Variants in AP2B1 observed in about 807,000 individuals in gnomAD.
The protein encoded by AP2B1 is adaptor related protein complex 2 subunit beta 1.
A neutral mutation model predicts 102.0 loss-of-function variants in AP2B1; 23 were observed. The observed-to-expected ratio is 0.23, with a 90% CI of 0.16 to 0.32. AP2B1 has a LOEUF of 0.32. AP2B1 is among the 10% of genes least tolerant of loss of function. The pLI, the probability that AP2B1 is intolerant of heterozygous loss-of-function variation, is 1.00. For missense variants in AP2B1, 541 were observed against 1,157.4 expected, an observed-to-expected ratio of 0.47 and a Z score of 7.73; for synonymous variants, 381 against 421.2, an observed-to-expected ratio of 0.90 and a Z score of 1.17.
chr17:35,602,449 A>G (rs879452649), intron 3 of AP2B1, among the ~76,000 whole-genome samples: 7 of 152,244 alleles, frequency 4.6e-5, no homozygotes, highest in Non-Finnish European at 8.8e-5. Flanking sequence ...TCCTGCAAGT[A>G]ACCTCAAGTG....
At chr17:35,631,070 CAAAT>C (rs1281809707) in intron 9 of AP2B1, among the ~76,000 whole-genome samples, 3 of 152,096 alleles carry the variant, frequency 2.0e-5, no homozygotes, top group African/African-American at 7.2e-5. Context: ...AGCTGTTGAG[CAAAT>C]AAATAGCACT....
chr17:35,657,875 A>G (rs2075268550), intron 14 of AP2B1, 84 bp downstream of exon 14: 2 of 1,286,158 alleles, frequency 1.6e-6, no homozygotes, highest in South Asian at 3.0e-5. Flanking sequence ...GCTTTTTAGA[A>G]CTAGACCTTT....
intron 2 of AP2B1, among the ~76,000 whole-genome samples, chr17:35,595,427 G>T (rs1323847538): frequency 6.6e-6 from 1 of 151,956 alleles, no homozygotes; most frequent in Non-Finnish European, 1.5e-5. Context: ...CACACCTGTA[G>T]TCCCAGCTAT....
intron 18 of AP2B1, among the ~76,000 whole-genome samples, chr17:35,689,244 A>G (rs765317199): frequency 1.3e-5 from 2 of 151,998 alleles, no homozygotes; most frequent in Non-Finnish European, 2.9e-5. Context: ...CAGTGGTGCA[A>G]TCTCAGCTCA....
intron 5 of AP2B1, among the ~76,000 whole-genome samples, chr17:35,610,368 A>AC (rs2073821938): frequency 6.6e-6 from 1 of 151,804 alleles, no homozygotes; most frequent in African/African-American, 2.4e-5. Flanking sequence ...GGCTGGTCTC[A>AC]AACTCTTGAC....
chr17:35,620,725 AAGGATCACTTGAGTCC>A (rs2074151308), intron 5 of AP2B1, among the ~76,000 whole-genome samples: 1 of 152,096 alleles, frequency 6.6e-6, no homozygotes, highest in Non-Finnish European at 1.5e-5. Context: ...GCTGAGGTGG[AAGGATCACTTGAGTCC>A]AGGAGTTTGA....
chr17:35,671,059 G>A, intron 15 of AP2B1, among the ~76,000 whole-genome samples, 161 bp downstream of exon 15: 1 of 152,094 alleles, frequency 6.6e-6, no homozygotes. Flanking sequence ...GGGTTACTTG[G>A]AATTGTTGGG....
At chr17:35,697,405 G>T (rs1260523563) in intron 18 of AP2B1, among the ~76,000 whole-genome samples, 1 of 152,166 alleles carries the variant, frequency 6.6e-6, no homozygotes, top group Non-Finnish European at 1.5e-5. Context: ...GCCACCATGA[G>T]ACTATTAAAT....
intron 18 of AP2B1, among the ~76,000 whole-genome samples, chr17:35,694,181 T>C (rs993018951): frequency 6.6e-6 from 1 of 152,202 alleles, no homozygotes; most frequent in Non-Finnish European, 1.5e-5. Flanking sequence ...TTAATCACTT[T>C]AACTGATAGT....
intron 18 of AP2B1, among the ~76,000 whole-genome samples, chr17:35,699,254 C>T (rs2076196432): frequency 6.6e-6 from 1 of 152,140 alleles, no homozygotes. Flanking sequence ...GGGCTCTGTT[C>T]AAAGCTTTCA....
In AP2B1 at chr17:35,680,695, T is replaced by TGG. The variant is rs55953302; in HGVS notation, c.2325-2000_2325-1999insGG. 2.0e-4 allele frequency among the ~76,000 whole-genome samples: 20 copies of TGG among 99,152 alleles called. No homozygotes were observed. In the East Asian group the frequency reaches 2.1e-3, roughly 10 times the overall value. The allele number at this position is 99,152 out of a possible 152,430, so 65.0% of individuals were successfully genotyped here. On this transcript the variant is annotated intron_variant, in intron 17 of 21. Transcript: ENST00000610402. ...CCAGTCTATGGTTTTGGTTTTTTTT[T>TGG]TTTTGTTTTTTTTTTTTTTTTCAGA... is the stretch of plus-strand genomic sequence containing the variant.
chr17:35,603,319 G>A (rs1172867974), intron 3 of AP2B1, among the ~76,000 whole-genome samples: 2 of 152,116 alleles, frequency 1.3e-5, no homozygotes, highest in East Asian at 3.8e-4. Flanking sequence ...AAGCATTGTG[G>A]GGAAGATTTA....
Position 35,608,320 on chromosome 17 carries a change from C to A in AP2B1, c.458C>A (p.Ala153Asp). Residue 153 changes from alanine (A) to aspartate (D), a missense_variant, in exon 5 of 22, where the codon GCC (alanine) becomes GAC (aspartate). By Grantham distance (126) the Ala-to-Asp change is moderately radical. This residue lies in a region of AP2B1 where 134 missense variants were observed against 250.2 expected (regional missense o/e 0.54). Transcript: ENST00000610402. Reference protein sequence around the residue: ...VCVAKLHDINAQMVEDQGFLD... With the variant: ...VCVAKLHDINDQMVEDQGFLD... ...GTGGCAAAACTCCATGATATCAATG[C>A]CCAAATGGTGGAAGATCAGGGATTT... The A allele has an allele frequency of 1.2e-6, 2 of 1,614,128 alleles. No individual in the cohort carries two copies. Among genetic ancestry groups the A allele is most frequent in the Non-Finnish European group, 1.7e-6 (2 of 1,180,022 alleles).
At position 35,707,599 on chromosome 17, in the gene AP2B1, C is replaced by T. The variant is rs1195915121; in HGVS notation, c.2455-1625C>T. Among the ~76,000 whole-genome samples, 4 of 152,024 alleles carry T rather than the reference C, an allele frequency of 2.6e-5. No homozygotes were observed. The South Asian group carries it at 6.2e-4, about 24-fold the overall frequency. On this transcript the variant is annotated intron_variant, in intron 18 of 21. Coordinates refer to ENST00000610402, the MANE Select transcript of AP2B1 (RefSeq NM_001030006.2). ...TCCTGAGTAGCTGGGACTACAGCCA[C>T]GCGCCTCCACGCCCAGCTAATTTTT...
chr17:35,710,497 G>A lies in AP2B1; in HGVS notation c.2626+177G>A, dbSNP rs2076424080. ...TCTGTTTAAAAACGTGATATGTTTT[G>A]ATGTAGGTACTAGATTACTTACAAG... On this transcript the variant is annotated intron_variant, in intron 20 of 21. Coordinates refer to ENST00000610402, the MANE Select transcript of AP2B1 (RefSeq NM_001030006.2). 2.6e-5 allele frequency among the ~76,000 whole-genome samples: 4 copies of A among 152,056 alleles called. No individual in the cohort carries two copies. The South Asian group carries it at 8.3e-4, about 32-fold the overall frequency.
chr17:35,621,868 G>T (rs1183489217), intron 5 of AP2B1, among the ~76,000 whole-genome samples: 1 of 151,402 alleles, frequency 6.6e-6, no homozygotes, highest in Non-Finnish European at 1.5e-5. Context: ...TAATCTTTTT[G>T]TTTTTTTAAA....
intron 18 of AP2B1, among the ~76,000 whole-genome samples, chr17:35,706,265 G>T (rs903533755): frequency 6.6e-6 from 1 of 152,184 alleles, no homozygotes; most frequent in Non-Finnish European, 1.5e-5. Flanking sequence ...GGACCTTTTT[G>T]TGTCCTTTCC....
Position 35,624,574 on chromosome 17 carries a change from C to G in AP2B1, c.703C>G (p.Arg235Gly), listed in dbSNP as rs749754793. ...GTCTAATTACAACCCTAAAGATGAT[C>G]GGGAGGCTCAGAGGTCAGTCTGTTT... is the stretch of plus-strand genomic sequence containing the variant. ...CLSNYNPKDDREAQSICERVT... is the reference protein window; with the variant it reads ...CLSNYNPKDDGEAQSICERVT... Residue 235 changes from arginine to glycine, a missense_variant, in exon 6 of 22, where the codon CGG becomes GGG. By Grantham distance (125) the Arg-to-Gly change is moderately radical (BLOSUM62 -2). Transcript: ENST00000610402. The G allele has an allele frequency of 1.9e-6, 3 of 1,612,488 alleles. No homozygotes were observed. The highest frequency in any genetic ancestry group is 2.7e-5 in the African/African-American group (2 of 74,970).
At chr17:35,711,766 C>T (rs1305426457) in intron 20 of AP2B1, among the ~76,000 whole-genome samples, 1 of 152,216 alleles carries the variant, frequency 6.6e-6, no homozygotes, top group Non-Finnish European at 1.5e-5. Flanking sequence ...CCACTGCACC[C>T]AGCCCAGCTT....
Sources: allele counts gnomAD v4.1 joint callset (sites outside exome capture counted in the v4.1 genomes callset), GRCh38; gene constraint gnomAD v4.1.1; regional missense constraint gnomAD v4.1.1; transcripts MANE v1.5; gene names NCBI Gene and HGNC (gene_info 2026-07-23, HGNC 2026-07-21).